Variants in MYO16 observed in about 807,000 individuals in gnomAD.
The protein encoded by MYO16 is myosin XVI.
MYO16 carries 94 observed loss-of-function variants against 205.3 expected under a neutral mutation model. The observed-to-expected ratio is 0.46, with a 90% CI of 0.39 to 0.54. The LOEUF (loss-of-function observed/expected upper bound fraction) is 0.54. MYO16 is among the 20% of genes least tolerant of loss of function. MYO16 has a pLI of 0.00. For missense variants in MYO16, 2,315 were observed against 2,387.5 expected (o/e 0.97, Z 0.63); for synonymous variants, 988 against 954.0 (o/e 1.04, Z -0.66).
chr13:108,516,503 G>T, the MYO16 span, among the ~76,000 whole-genome samples: 1 of 152,160 alleles, frequency 6.6e-6, no homozygotes, highest in Non-Finnish European at 1.5e-5. Context: ...CTCGGGAAGT[G>T]ATAGTTAATT....
intron 14 of MYO16, among the ~76,000 whole-genome samples, chr13:108,893,938 G>C (rs543587806): frequency 6.6e-6 from 1 of 152,218 alleles, no homozygotes; most frequent in South Asian, 2.1e-4. Context: ...GTACTAGTCT[G>C]TTCTCATACT....
At chr13:108,992,593 T>C (rs1353417417) in intron 21 of MYO16, 145 bp downstream of exon 21, 1 of 555,446 alleles carries the variant, frequency 1.8e-6, no homozygotes, top group Admixed American at 3.6e-5. Flanking sequence ...ATATCTCTGG[T>C]TTATCAATAT....
chr13:108,572,088 T>C, the MYO16 span, among the ~76,000 whole-genome samples: 1 of 151,890 alleles, frequency 6.6e-6, no homozygotes, highest in African/African-American at 2.4e-5. Context: ...CCCAGCTGAT[T>C]ATTAAAAAAT....
chr13:108,665,726 A>G (rs1051055282), intron 1 of MYO16, among the ~76,000 whole-genome samples, 160 bp from the exon 2 acceptor site: 2 of 152,178 alleles, frequency 1.3e-5, no homozygotes, highest in African/African-American at 4.8e-5. Flanking sequence ...ATTTTTCCCC[A>G]ATCTATAAAA....
At chr13:109,176,400 A>G (rs1594160662) in intron 33 of MYO16, among the ~76,000 whole-genome samples, 1 of 151,718 alleles carries the variant, frequency 6.6e-6, no homozygotes. Context: ...GTTCTTTTAA[A>G]ATACACATTT....
intron 2 of MYO16, among the ~76,000 whole-genome samples, chr13:108,708,790 G>T (rs937782197): frequency 1.3e-5 from 2 of 152,148 alleles, no homozygotes; most frequent in African/African-American, 4.8e-5. Flanking sequence ...ATAAATGGTG[G>T]CAATACAGTA....
At chr13:108,969,075 A>C (rs1290189180) in intron 20 of MYO16, among the ~76,000 whole-genome samples, 1 of 151,888 alleles carries the variant, frequency 6.6e-6, no homozygotes, top group Admixed American at 6.6e-5. Flanking sequence ...GGGCTTTGAG[A>C]CTCCCATTTT....
chr13:108,632,078 CAA>C (rs59971095), intron 1 of MYO16, among the ~76,000 whole-genome samples: 3,495 of 67,192 alleles, frequency 0.052, 40 homozygotes, highest in South Asian at 0.081. Context: ...AACCCCAACT[CAA>C]AAAAAAAAAA....
At chr13:109,046,524 G>A (rs1887048830) in intron 23 of MYO16, among the ~76,000 whole-genome samples, 2 of 152,100 alleles carry the variant, frequency 1.3e-5, no homozygotes, top group South Asian at 2.1e-4. Flanking sequence ...TTTTAAATTA[G>A]GAGACTATTA....
chr13:108,765,263 A>G (rs747439829), intron 4 of MYO16, among the ~76,000 whole-genome samples: 1 of 151,936 alleles, frequency 6.6e-6, no homozygotes, highest in Non-Finnish European at 1.5e-5. Flanking sequence ...ATCATTAAGT[A>G]TTGTTAATTA....
the MYO16 span, among the ~76,000 whole-genome samples, chr13:108,546,106 G>A: frequency 6.6e-6 from 1 of 152,150 alleles, no homozygotes; most frequent in Admixed American, 6.6e-5. Flanking sequence ...ATGGGTATAA[G>A]GCCCCCAGTT....
chr13:108,577,346 C>CAT, the MYO16 span, among the ~76,000 whole-genome samples: 1 of 152,160 alleles, frequency 6.6e-6, no homozygotes, highest in Non-Finnish European at 1.5e-5. Flanking sequence ...CTCAATGTCT[C>CAT]ATATATAGGA....
At chr13:108,871,075 AT>A (rs1275050195) in intron 12 of MYO16, among the ~76,000 whole-genome samples, 1 of 152,016 alleles carries the variant, frequency 6.6e-6, no homozygotes. Flanking sequence ...AGTCTGGATA[AT>A]TGCTTGGCCA....
chr13:108,906,662 C>G (rs1418365441), intron 15 of MYO16, among the ~76,000 whole-genome samples: 1 of 152,126 alleles, frequency 6.6e-6, no homozygotes, highest in East Asian at 1.9e-4. Context: ...TGTGAAAAGG[C>G]CTGCAACAGA....
chr13:108,962,814 T>C (rs1489344035), intron 19 of MYO16, among the ~76,000 whole-genome samples: 1 of 152,244 alleles, frequency 6.6e-6, no homozygotes, highest in Non-Finnish European at 1.5e-5. Context: ...CACTCTTCAA[T>C]GAAGGACCAA....
chr13:108,823,016 A>C, intron 8 of MYO16, 109 bp from the exon 9 acceptor site: 2 of 1,065,108 alleles, frequency 1.9e-6, no homozygotes, highest in East Asian at 2.4e-5. Flanking sequence ...TGATTCATAC[A>C]TTGATAAATT....
intron 3 of MYO16, among the ~76,000 whole-genome samples, chr13:108,725,652 C>T (rs1414036947): frequency 6.6e-6 from 1 of 152,158 alleles, no homozygotes; most frequent in Non-Finnish European, 1.5e-5. Context: ...TCTTTTCAGG[C>T]AGTTCTTTGC....
chr13:108,697,875 AC>A (rs966717257), intron 2 of MYO16, among the ~76,000 whole-genome samples: 1 of 151,992 alleles, frequency 6.6e-6, no homozygotes, highest in Non-Finnish European at 1.5e-5. Flanking sequence ...GGCGTGCACC[AC>A]CACACCTGGC....
At chr13:108,944,405 A>G (rs1202311322) in intron 16 of MYO16, among the ~76,000 whole-genome samples, 5 of 152,226 alleles carry the variant, frequency 3.3e-5, no homozygotes, top group African/African-American at 9.6e-5. Flanking sequence ...GATAATGACA[A>G]CATTAAGACT....
Sources: allele counts gnomAD v4.1 joint callset (sites outside exome capture counted in the v4.1 genomes callset), GRCh38; gene constraint gnomAD v4.1.1; transcripts MANE v1.5; gene names NCBI Gene and HGNC (gene_info 2026-07-23, HGNC 2026-07-21).